The following RAD51D variants were observed in gnomAD, a reference collection of about 807,000 sequenced individuals.
RAD51D encodes DNA repair protein RAD51 homolog 4.
Under a neutral mutation model 44.1 loss-of-function variants are expected in RAD51D, and 38 were observed. That is an observed-to-expected ratio of 0.86 (90% CI 0.67 to 1.13). The LOEUF is 1.13. Among genes scored for constraint, RAD51D ranks in the 50% most tolerant of loss-of-function variants. RAD51D has a pLI of 0.00. For synonymous variants in RAD51D, 141 were observed against 166.6 expected, an observed-to-expected ratio of 0.85 and a Z score of 1.18; for missense variants, 390 against 414.0, an observed-to-expected ratio of 0.94 and a Z score of 0.50.
At chr17:35,114,529 A>T (rs1358871081) in intron 3 of RAD51D, among the ~76,000 whole-genome samples, 5 of 151,410 alleles carry the variant, frequency 3.3e-5, no homozygotes, top group Non-Finnish European at 2.9e-5. Context: ...AAAAAAAAAA[A>T]ATTTTTTTTA....
chr17:35,117,087 C>G (rs1203098988), intron 3 of RAD51D: 1 of 1,564,142 alleles, frequency 6.4e-7, no homozygotes, highest in African/African-American at 1.4e-5. Flanking sequence ...GCTTCCTGTT[C>G]ACCACTCCCT....
At chr17:35,115,183 A>G in intron 3 of RAD51D, 1 of 472,992 alleles carries the variant, frequency 2.1e-6, no homozygotes. Flanking sequence ...CACTGCCTAG[A>G]ATACAGGTGA....
rs1158417423 is a variant in RAD51D at position 35,101,385 on chromosome 17, AC to A, written c.739-21del. On this transcript the variant is annotated intron_variant, in intron 8 of 9. Transcript: ENST00000345365. ...GGTCACCTGCAGCAGAAACAGACTT[AC>A]AGATCCATAATGCTAGTATAGAGGA... 6.2e-7 allele frequency: 1 copy of A among 1,611,368 alleles called. No homozygotes were observed. Among genetic ancestry groups the A allele is most frequent in the Non-Finnish European group, 8.5e-7 (1 of 1,179,126 alleles).
At chr17:35,104,666 G>C (rs981816347) in intron 6 of RAD51D, among the ~76,000 whole-genome samples, 1 of 152,152 alleles carries the variant, frequency 6.6e-6, no homozygotes, top group Non-Finnish European at 1.5e-5. Context: ...TTACAGGCAT[G>C]AGCCACCAAG....
chr17:35,095,672 G>T lies in RAD51D; in HGVS notation c.*5281C>A, dbSNP rs1463498224. ...CCGGACATAGTGGCAGGCGCCTGTA[G>T]TCGTAGTCCCAGCTACTCAGGAGGC... is the stretch of plus-strand genomic sequence containing the variant. On this transcript the variant is annotated 3_prime_UTR_variant, in exon 10 of 10. Coordinates refer to ENST00000345365, the MANE Select transcript of RAD51D (RefSeq NM_002878.4). The T allele has an allele frequency of 6.6e-6, 1 of 151,640 alleles. No individual in the cohort carries two copies. The highest frequency in any genetic ancestry group is 1.5e-5 in the Non-Finnish European group (1 of 67,996). The allele number at this position is 151,640 out of a possible 1,614,324, so 9.4% of individuals were successfully genotyped here.
At position 35,101,357 on chromosome 17, in the gene RAD51D, GT is replaced by G. The variant is rs2091536198; in HGVS notation, c.746del (p.Asn249ThrfsTer3). 1 of 1,613,760 alleles carries G rather than the reference GT, an allele frequency of 6.2e-7. No individual in the cohort carries two copies. ...RDLGMAVVVT[N>X]HITRDRDSGR... ...CGCTGTCCCTGTCTCGAGTTATGTG[GT>G]TGGTCACCTGCAGCAGAAACAGACT... On this transcript the variant is annotated frameshift_variant, in exon 9 of 10. Coordinates refer to ENST00000345365, the MANE Select transcript of RAD51D (RefSeq NM_002878.4). LOFTEE classifies it high-confidence loss of function.
chr17:35,115,216 T>C (rs2091722631), intron 3 of RAD51D: 1 of 509,318 alleles, frequency 2.0e-6, no homozygotes, highest in Admixed American at 2.0e-5. Context: ...ATCCTCTGCC[T>C]TTCCCTCTGA....
At chr17:35,114,337 C>T (rs1320607772) in intron 3 of RAD51D, among the ~76,000 whole-genome samples, 2 of 151,768 alleles carry the variant, frequency 1.3e-5, no homozygotes, top group Admixed American at 1.3e-4. Context: ...ATGCCTATGT[C>T]AGCAGTACCC....
At chr17:35,115,314 G>A (rs775622212) in intron 3 of RAD51D, 2 of 516,020 alleles carry the variant, frequency 3.9e-6, no homozygotes, top group Non-Finnish European at 7.7e-6. Flanking sequence ...AAAATGAGGG[G>A]ACTGTGGGAT....
rs1029145702 is a variant in RAD51D, at chr17:35,094,460, C to G, written c.*6493G>C. 1 of 152,182 alleles carries G rather than the reference C, an allele frequency of 6.6e-6. No homozygotes were observed. Among genetic ancestry groups the G allele is most frequent in the Non-Finnish European group, 1.5e-5 (1 of 68,042 alleles). The allele number at this position is 152,182 out of a possible 1,614,324, so 9.4% of individuals were successfully genotyped here. A position where few individuals can be genotyped will look rare whatever the true frequency, so the allele number is the denominator to read the frequency against. On this transcript the variant is annotated 3_prime_UTR_variant, in exon 10 of 10. Transcript: ENST00000345365. ...CCTAAACCTCCAGTTCTCTTTAATA[C>G]TAATGATATCTGCCTTCTCCAAGTT...
At chr17:35,117,253 G>A (rs2091761498) in intron 3 of RAD51D, among the ~76,000 whole-genome samples, 1 of 152,178 alleles carries the variant, frequency 6.6e-6, no homozygotes, top group South Asian at 2.1e-4. Flanking sequence ...GCCAGTGCTT[G>A]ATGGATCACA....
rs1269011999 is a variant in RAD51D, at chr17:35,101,316, G to A, written c.788C>T (p.Ala263Val). The change falls in exon 9 of 10, where the codon GCC becomes GTC. Residue 263 changes from alanine to valine, a missense_variant. Transcript: ENST00000345365. Reference protein sequence around the residue: ...RDRDSGRLKPALGRSWSFVPS... With the variant: ...RDRDSGRLKPVLGRSWSFVPS... ...CACAAAGCTCCAGGAGCGTCCGAGG[G>A]CAGGTTTGAGCCTCCCGCTGTCCCT... is the stretch of plus-strand genomic sequence containing the variant. The A allele has an allele frequency of 6.2e-7, 1 of 1,614,014 alleles. No individual in the cohort carries two copies. Among genetic ancestry groups the A allele is most frequent in the Non-Finnish European group, 8.5e-7 (1 of 1,180,038 alleles).
In RAD51D at chr17:35,119,599, C is replaced by A. The variant is rs2142480932; in HGVS notation, c.15G>T (p.Arg5Ser). Reference protein sequence around the residue: MGVLRVGLCPGLTEE... With the variant: MGVLSVGLCPGLTEE... Reference sequence around the variant, plus strand: ...CGGTAAGGCCAGGGCACAGTCCGACCCTGAGCACGCCCATGTTCCCCGCAG... The same window carrying A: ...CGGTAAGGCCAGGGCACAGTCCGACACTGAGCACGCCCATGTTCCCCGCAG... Residue 5 changes from arginine to serine, a missense_variant, in exon 1 of 10, where the codon AGG (arginine) becomes AGT (serine). Coordinates refer to ENST00000345365, the MANE Select transcript of RAD51D (RefSeq NM_002878.4). The A allele has an allele frequency of 6.2e-7, 1 of 1,611,932 alleles. No homozygotes were observed. Among genetic ancestry groups the A allele is most frequent in the South Asian group, 1.1e-5 (1 of 91,092 alleles).
rs45494001 is a variant in RAD51D, at chr17:35,100,847, C to T, written c.*106G>A. ...ATGTCTCTTCTGGCCAGCCTGAGAA[C>T]GTCTGTAGTCACCAGTGCCAGGTGG... is the stretch of plus-strand genomic sequence containing the variant. On this transcript the variant is annotated 3_prime_UTR_variant, in exon 10 of 10. Coordinates refer to ENST00000345365, the MANE Select transcript of RAD51D (RefSeq NM_002878.4). 8.6e-3 allele frequency: 8,071 copies of T among 934,728 alleles called. 62 individuals carry two copies. Among genetic ancestry groups the T allele is most frequent in the South Asian group, 0.02 (1,493 of 75,918 alleles). The allele number at this position is 934,728 out of a possible 1,614,324, so 57.9% of individuals were successfully genotyped here. A position where few individuals can be genotyped will look rare whatever the true frequency, so the allele number is the denominator to read the frequency against.
In RAD51D at chr17:35,106,268, G is replaced by T. The variant is rs996528039; in HGVS notation, c.576+118C>A. 9.5e-6 allele frequency: 8 copies of T among 844,602 alleles called. No homozygotes were observed. The African/African-American group carries it at 1.3e-4, about 14-fold the overall frequency. The allele number at this position is 844,602 out of a possible 1,614,324, so 52.3% of individuals were successfully genotyped here. A position where few individuals can be genotyped will look rare whatever the true frequency, so the allele number is the denominator to read the frequency against. On this transcript the variant is annotated intron_variant, in intron 6 of 9. Coordinates refer to ENST00000345365, the MANE Select transcript of RAD51D (RefSeq NM_002878.4). Reference sequence around the variant, plus strand: ...TTCCATCCTGGGAGTAGCAAGCATAGTTGGAGTCACCAGATTGCACATCTG... The same window carrying T: ...TTCCATCCTGGGAGTAGCAAGCATATTTGGAGTCACCAGATTGCACATCTG...
chr17:35,101,729 GA>G lies in RAD51D; in HGVS notation c.739-365del, dbSNP rs374630885. Among the ~76,000 whole-genome samples, 46 of 152,318 alleles carry G rather than the reference GA, an allele frequency of 3.0e-4. No homozygotes were observed. The East Asian group carries it at 6.6e-3, about 22-fold the overall frequency. ...CAGACACTCAGCCTTTAAAAGGAAG[GA>G]AAGTCTGACACATGCTACAAGGTGG... is the stretch of plus-strand genomic sequence containing the variant. On this transcript the variant is annotated intron_variant, in intron 8 of 9. Coordinates refer to ENST00000345365, the MANE Select transcript of RAD51D (RefSeq NM_002878.4).
At position 35,092,908 on chromosome 17, in the gene RAD51D, T is replaced by C. The variant is rs2091465214; in HGVS notation, c.*8045A>G. ...CCAGTACTAGTGCTGGATCCATTCC[T>C]GGAGACAGAACTGGCTACACTGTTT... On this transcript the variant is annotated 3_prime_UTR_variant, in exon 10 of 10. Transcript: ENST00000345365. 6.6e-6 allele frequency: 1 copy of C among 152,248 alleles called. No homozygotes were observed. Among genetic ancestry groups the C allele is most frequent in the South Asian group, 2.1e-4 (1 of 4,836 alleles). 9.4% of individuals were successfully genotyped at this position (152,248 alleles called of 1,614,324 possible).
chr17:35,105,723 G>A (rs2091593842), intron 6 of RAD51D, among the ~76,000 whole-genome samples: 1 of 152,090 alleles, frequency 6.6e-6, no homozygotes, highest in Non-Finnish European at 1.5e-5. Flanking sequence ...TTCAGCGACT[G>A]GGCAGAAATC....
In RAD51D at chr17:35,100,664, T is replaced by A; in HGVS notation, c.*289A>T. On this transcript the variant is annotated 3_prime_UTR_variant, in exon 10 of 10. Transcript: ENST00000345365. ...CGCCAGCATGCCTCATCAGAGATGC[T>A]CCCAGCCAGGGTGAACTTGGTTTCC... 1 of 580,700 alleles carries A rather than the reference T, an allele frequency of 1.7e-6. No individual in the cohort carries two copies. Among genetic ancestry groups the A allele is most frequent in the Non-Finnish European group, 3.2e-6 (1 of 312,702 alleles). 36.0% of individuals were successfully genotyped at this position (580,700 alleles called of 1,614,324 possible). A position where few individuals can be genotyped will look rare whatever the true frequency, so the allele number is the denominator to read the frequency against.
Sources: allele counts gnomAD v4.1 joint callset (sites outside exome capture counted in the v4.1 genomes callset), GRCh38; gene constraint gnomAD v4.1.1; transcripts MANE v1.5; gene names NCBI Gene and HGNC (gene_info 2026-07-23, HGNC 2026-07-21).